KCNJ3: variants seen among roughly 807,000 people sequenced by gnomAD.
The protein encoded by KCNJ3 is potassium inwardly rectifying channel subfamily J member 3.
KCNJ3 carries 4 observed loss-of-function variants against 39.2 expected under a neutral mutation model. The ratio of observed to expected loss-of-function variants is 0.10; its 90% CI spans 0.05 to 0.23. The LOEUF is 0.23. Among genes scored for constraint, KCNJ3 ranks in the 10% least tolerant of loss-of-function variants. KCNJ3 has a pLI of 1.00. For missense variants in KCNJ3, 276 were observed against 634.9 expected (o/e 0.43, Z 6.08); for synonymous variants, 230 against 237.4 (o/e 0.97, Z 0.29).
chr2:154,706,998 T>C lies in KCNJ3; in HGVS notation c.703-2605T>C, dbSNP rs148599499. On this transcript the variant is annotated intron_variant, in intron 1 of 2. Coordinates refer to ENST00000295101, the MANE Select transcript of KCNJ3 (RefSeq NM_002239.4). ...ATCAGGGAGGTGAACATATTAATAG[T>C]TGAAATATTTGGTGGCCTAATATAA... Among the ~76,000 whole-genome samples the C allele has an allele frequency of 1.8e-4, 28 of 152,238 alleles. No homozygotes were observed. In the East Asian group the frequency reaches 5.0e-3, roughly 27 times the overall value.
At chr2:154,732,171 T>C (rs537320101) in intron 2 of KCNJ3, among the ~76,000 whole-genome samples, 14 of 152,232 alleles carry the variant, frequency 9.2e-5, no homozygotes, top group African/African-American at 3.4e-4. Context: ...AATTTTTATC[T>C]CCTTATGAAA....
chr2:154,829,028 G>A (rs920204020), intron 2 of KCNJ3, among the ~76,000 whole-genome samples: 1 of 152,138 alleles, frequency 6.6e-6, no homozygotes, highest in Non-Finnish European at 1.5e-5. Flanking sequence ...TCTTGATTGT[G>A]TGACTTTCCT....
At chr2:154,760,100 C>A (rs1325599087) in intron 2 of KCNJ3, among the ~76,000 whole-genome samples, 1 of 152,110 alleles carries the variant, frequency 6.6e-6, no homozygotes, top group African/African-American at 2.4e-5. Flanking sequence ...ATACTCTTAC[C>A]AGCTATTCAT....
chr2:154,719,073 T>C (rs1558855490), intron 2 of KCNJ3, among the ~76,000 whole-genome samples: 1 of 152,184 alleles, frequency 6.6e-6, no homozygotes, highest in East Asian at 1.9e-4. Flanking sequence ...GTCTTGGGAC[T>C]ACCTGTATCA....
intron 1 of KCNJ3, among the ~76,000 whole-genome samples, chr2:154,704,706 G>A (rs1028043398): frequency 2.0e-5 from 3 of 152,034 alleles, no homozygotes; most frequent in Non-Finnish European, 4.4e-5. Flanking sequence ...TTAAATTTTG[G>A]TCTGGGCACC....
intron 2 of KCNJ3, among the ~76,000 whole-genome samples, chr2:154,790,659 T>C (rs897713603): frequency 1.3e-5 from 2 of 152,088 alleles, no homozygotes; most frequent in Admixed American, 6.6e-5. Context: ...TCACAAGATA[T>C]AAGAGTGTTT....
Position 154,818,918 on chromosome 2 carries a change from CTTTTTTTTTT to C in KCNJ3, c.920-35786_920-35777del, listed in dbSNP as rs57668487. On this transcript the variant is annotated intron_variant, in intron 2 of 2. Coordinates refer to ENST00000295101, the MANE Select transcript of KCNJ3 (RefSeq NM_002239.4). Reference sequence around the variant, plus strand: ...GAGCTTGAGCTGTAGCTGCAAAAGCCTTTTTTTTTTTTTTTTTTTTTTTTTTTTTTTTAAT... The same window carrying C: ...GAGCTTGAGCTGTAGCTGCAAAAGCCTTTTTTTTTTTTTTTTTTTTTTAAT... 9.7e-4 allele frequency among the ~76,000 whole-genome samples: 51 copies of C among 52,440 alleles called. 1 individual carries two copies. The highest frequency in any genetic ancestry group is 3.1e-3 in the African/African-American group (37 of 12,044). The allele number at this position is 52,440 out of a possible 152,430, so 34.4% of individuals were successfully genotyped here.
rs146372327 is a variant in KCNJ3, at chr2:154,800,377, T to G, written c.920-54350T>G. 3.1e-3 allele frequency among the ~76,000 whole-genome samples: 476 copies of G among 152,298 alleles called. 4 individuals carry two copies. Among genetic ancestry groups the G allele is most frequent in the African/African-American group, 0.011 (461 of 41,566 alleles). The stretch of plus-strand genomic sequence containing the variant: ...TTTTAAAGGTAATAGGTTTTCAATT[T>G]TGGACAGTCCTAGGTAAATTCTCAT... On this transcript the variant is annotated intron_variant, in intron 2 of 2. Coordinates refer to ENST00000295101, the MANE Select transcript of KCNJ3 (RefSeq NM_002239.4).
intron 2 of KCNJ3, among the ~76,000 whole-genome samples, chr2:154,779,306 G>A (rs1054704317): frequency 2.0e-5 from 3 of 151,596 alleles, no homozygotes; most frequent in African/African-American, 7.3e-5. Flanking sequence ...GACCACATGA[G>A]ATGGTGCTTA....
intron 2 of KCNJ3, among the ~76,000 whole-genome samples, chr2:154,717,439 T>C (rs1685200450): frequency 6.6e-6 from 1 of 152,160 alleles, no homozygotes; most frequent in Non-Finnish European, 1.5e-5. Flanking sequence ...GCCCAGTTAT[T>C]AAGCTGTTAC....
chr2:154,706,928 T>C (rs1370466671), intron 1 of KCNJ3, among the ~76,000 whole-genome samples: 1 of 152,008 alleles, frequency 6.6e-6, no homozygotes, highest in African/African-American at 2.4e-5. Context: ...ATTTCAGTGA[T>C]TAAGAGGCTC....
intron 2 of KCNJ3, among the ~76,000 whole-genome samples, chr2:154,731,418 A>G (rs985576857): frequency 6.6e-6 from 1 of 152,082 alleles, no homozygotes; most frequent in Admixed American, 6.6e-5. Flanking sequence ...CTTTGTACCC[A>G]GGTTCCTATG....
chr2:154,704,274 G>C (rs181974772), intron 1 of KCNJ3, among the ~76,000 whole-genome samples: 1 of 152,052 alleles, frequency 6.6e-6, no homozygotes, highest in Admixed American at 6.6e-5. Flanking sequence ...CAGTAGGTAA[G>C]AACAAATGAT....
intron 2 of KCNJ3, among the ~76,000 whole-genome samples, chr2:154,841,980 T>G (rs1005076755): frequency 6.6e-6 from 1 of 152,206 alleles, no homozygotes; most frequent in Admixed American, 6.5e-5. Flanking sequence ...TCCTTTCTGC[T>G]AGCTTTTGAA....
At chr2:154,788,814 C>T (rs1686579689) in intron 2 of KCNJ3, among the ~76,000 whole-genome samples, 2 of 149,784 alleles carry the variant, frequency 1.3e-5, no homozygotes, top group Non-Finnish European at 1.5e-5. Context: ...GAATTACTAG[C>T]AAATATATTT....
Position 154,718,710 on chromosome 2 carries a change from G to A in KCNJ3, c.919+8891G>A, listed in dbSNP as rs16838033. On this transcript the variant is annotated intron_variant, in intron 2 of 2. Coordinates refer to ENST00000295101, the MANE Select transcript of KCNJ3 (RefSeq NM_002239.4). ...ACGTAAAAAGAATATTTGCACATACGTTATTTTCTGTATGGTTTTCATTGC... is the reference window on the plus strand; with the variant it reads ...ACGTAAAAAGAATATTTGCACATACATTATTTTCTGTATGGTTTTCATTGC... Among the ~76,000 whole-genome samples the A allele has an allele frequency of 6.1e-3, 924 of 152,164 alleles. 11 individuals carry two copies. Among genetic ancestry groups the A allele is most frequent in the African/African-American group, 0.021 (858 of 41,534 alleles).
intron 2 of KCNJ3, among the ~76,000 whole-genome samples, chr2:154,810,560 A>T (rs960804206): frequency 2.0e-5 from 3 of 152,178 alleles, no homozygotes; most frequent in Non-Finnish European, 4.4e-5. Flanking sequence ...CAGATCAGTT[A>T]ATCAAAGTAG....
chr2:154,837,630 C>G (rs1412303147), intron 2 of KCNJ3, among the ~76,000 whole-genome samples: 1 of 152,152 alleles, frequency 6.6e-6, no homozygotes, highest in South Asian at 2.1e-4. Context: ...TCTGCTGTCT[C>G]TCCTGTGGAA....
chr2:154,783,035 G>A (rs190393775), intron 2 of KCNJ3, among the ~76,000 whole-genome samples: 31 of 152,090 alleles, frequency 2.0e-4, no homozygotes, highest in Non-Finnish European at 3.8e-4. Context: ...AAAATTAGCC[G>A]GGCGTGGTCG....
Sources: gnomAD v4.1 joint callset for allele counts (sites outside exome capture counted in the v4.1 genomes callset) on GRCh38, gnomAD v4.1.1 for gene constraint, MANE v1.5 for transcripts, NCBI Gene and HGNC (gene_info 2026-07-23, HGNC 2026-07-21) for gene names.